MAL: variants seen among roughly 807,000 people sequenced by gnomAD.
The protein encoded by MAL is myelin and lymphocyte protein.
In MAL, 5 loss-of-function variants were observed where a neutral mutation model predicts 16.7. The ratio of observed to expected loss-of-function variants is 0.30; its 90% CI spans 0.16 to 0.63. MAL has a LOEUF of 0.63. MAL is among the 30% of genes least tolerant of loss of function. The pLI, the probability that MAL is intolerant of heterozygous loss-of-function variation, is 0.82. For missense variants in MAL, 202 were observed against 195.8 expected, an observed-to-expected ratio of 1.03 and a Z score of -0.19; for synonymous variants, 96 against 85.5, an observed-to-expected ratio of 1.12 and a Z score of -0.67.
At chr2:95,043,128 T>G (rs1167207982) in intron 1 of MAL, among the ~76,000 whole-genome samples, 1 of 152,248 alleles carries the variant, frequency 6.6e-6, no homozygotes, top group Non-Finnish European at 1.5e-5. Context: ...GCATGTGCCC[T>G]TTCTGCCCTC....
At chr2:95,027,319 A>T (rs941139350) in intron 1 of MAL, among the ~76,000 whole-genome samples, 12 of 152,136 alleles carry the variant, frequency 7.9e-5, no homozygotes, top group Admixed American at 7.9e-4. Flanking sequence ...GAAACCTTGG[A>T]ACCATCTACT....
At chr2:95,027,766 C>T (rs770465241) in intron 1 of MAL, among the ~76,000 whole-genome samples, 2 of 152,218 alleles carry the variant, frequency 1.3e-5, no homozygotes, top group Admixed American at 1.3e-4. Flanking sequence ...GGCTGGAGTG[C>T]AGTGGCGCGA....
At chr2:95,033,136 C>T (rs1389045457) in intron 1 of MAL, among the ~76,000 whole-genome samples, 2 of 152,114 alleles carry the variant, frequency 1.3e-5, no homozygotes, top group Non-Finnish European at 1.5e-5. Flanking sequence ...GTCCCAGAAC[C>T]AACTTGGAGG....
intron 1 of MAL, among the ~76,000 whole-genome samples, chr2:95,046,934 G>GAGAA (rs199934507): frequency 9.7e-5 from 14 of 144,944 alleles, no homozygotes; most frequent in African/African-American, 1.3e-4. Flanking sequence ...AAGAGAGAAA[G>GAGAA]AGAAAGAAAG....
chr2:95,048,693 G>A (rs553077728), intron 2 of MAL, among the ~76,000 whole-genome samples: 1 of 152,372 alleles, frequency 6.6e-6, no homozygotes, highest in African/African-American at 2.4e-5. Context: ...CCTGTTACCT[G>A]CTGTAGGGGT....
chr2:95,049,733 C>T, intron 3 of MAL, 27 bp downstream of exon 3: 1 of 1,613,364 alleles, frequency 6.2e-7, no homozygotes, highest in Non-Finnish European at 8.5e-7. Flanking sequence ...GGGGCTGTGT[C>T]CACAGCGGGC....
At chr2:95,037,476 CTGAGTGACTGAG>C (rs1262377775) in intron 1 of MAL, among the ~76,000 whole-genome samples, 7 of 100,220 alleles carry the variant, frequency 7.0e-5, no homozygotes, top group Non-Finnish European at 1.2e-4. Flanking sequence ...AACTGAGTGA[CTGAGTGACTGAG>C]TGAGTGACTG....
intron 1 of MAL, among the ~76,000 whole-genome samples, chr2:95,033,153 C>T (rs1172213804): frequency 6.6e-6 from 1 of 152,088 alleles, no homozygotes. Flanking sequence ...GAGGGAGGCC[C>T]ACGGGGGGCC....
intron 1 of MAL, among the ~76,000 whole-genome samples, chr2:95,037,676 C>CTGAG (rs564146772): frequency 1.7e-5 from 2 of 120,194 alleles, no homozygotes; most frequent in East Asian, 2.7e-4. Context: ...GACTGAGTGA[C>CTGAG]TGAGTGAGTG....
intron 1 of MAL, among the ~76,000 whole-genome samples, chr2:95,032,853 G>A (rs147187158): frequency 2.5e-4 from 38 of 152,282 alleles, no homozygotes; most frequent in African/African-American, 8.7e-4. Flanking sequence ...GCTCTCTGCC[G>A]CTGCTACCTC....
At chr2:95,045,595 CTG>C (rs1025997996) in intron 1 of MAL, among the ~76,000 whole-genome samples, 2 of 152,220 alleles carry the variant, frequency 1.3e-5, no homozygotes, top group Non-Finnish European at 1.5e-5. Context: ...CTCCCTGAGA[CTG>C]TGTGAACGAG....
chr2:95,049,715 G>A lies in MAL; in HGVS notation c.387+9G>A, dbSNP rs754054137. 6.2e-5 allele frequency: 100 copies of A among 1,613,886 alleles called. 1 individual carries two copies. In the Middle Eastern group the frequency reaches 2.5e-3, roughly 40 times the overall value. ...AAAACATTGCTGCCGTGGTGAGTCC[G>A]GGCACCTGGGGCTGTGTCCACAGCG... On this transcript the variant is annotated intron_variant, in intron 3 of 3. Transcript: ENST00000309988.
intron 1 of MAL, among the ~76,000 whole-genome samples, chr2:95,028,329 AT>A (rs1292077670): frequency 1.3e-5 from 2 of 152,082 alleles, no homozygotes; most frequent in Admixed American, 6.5e-5. Flanking sequence ...TCTCAAAAAA[AT>A]AAATTAATAA....
At chr2:95,049,435 A>T (rs1674663105) in intron 2 of MAL, 146 bp from the exon 3 acceptor site, 1 of 1,028,848 alleles carries the variant, frequency 9.7e-7, no homozygotes, top group Admixed American at 2.4e-5. Context: ...CAGGGCAGGC[A>T]TGGGACCTCC....
intron 1 of MAL, chr2:95,026,680 G>C (rs1419173578): frequency 6.6e-6 from 1 of 152,138 alleles, no homozygotes; most frequent in Non-Finnish European, 1.5e-5. Context: ...ACGGTGTCGC[G>C]AAGCCGAAGT....
At chr2:95,052,020 G>T (rs1674731658) in intron 3 of MAL, among the ~76,000 whole-genome samples, 1 of 152,220 alleles carries the variant, frequency 6.6e-6, no homozygotes, top group African/African-American at 2.4e-5. Flanking sequence ...CCACTGTGTG[G>T]CTACTAATTA....
chr2:95,046,946 A>G (rs1558661634), intron 1 of MAL, among the ~76,000 whole-genome samples: 1 of 150,840 alleles, frequency 6.6e-6, no homozygotes, highest in East Asian at 1.9e-4. Flanking sequence ...GAAAGAAAGA[A>G]AGAGAAAAAA....
At chr2:95,043,152 C>T (rs1256601802) in intron 1 of MAL, among the ~76,000 whole-genome samples, 1 of 152,242 alleles carries the variant, frequency 6.6e-6, no homozygotes, top group Non-Finnish European at 1.5e-5. Context: ...AGAGCCCCTC[C>T]CAGTCCTTTG....
chr2:95,034,154 T>C (rs1386437804), intron 1 of MAL, among the ~76,000 whole-genome samples: 6 of 152,170 alleles, frequency 3.9e-5, no homozygotes, highest in Admixed American at 6.5e-5. Flanking sequence ...GGATTGGGAT[T>C]GGGCCAGGCT....
Sources: gnomAD v4.1 joint callset for allele counts (sites outside exome capture counted in the v4.1 genomes callset) on GRCh38, gnomAD v4.1.1 for gene constraint, MANE v1.5 for transcripts, NCBI Gene and HGNC (gene_info 2026-07-23, HGNC 2026-07-21) for gene names.